The following RAPH1 variants were observed in gnomAD, a reference collection of about 807,000 sequenced individuals.
The protein encoded by RAPH1 is Ras association (RalGDS/AF-6) and pleckstrin homology domains 1.
In RAPH1, 18 loss-of-function variants were observed where a neutral mutation model predicts 88.1. That is an observed-to-expected ratio of 0.20 (90% CI 0.14 to 0.30). The LOEUF (loss-of-function observed/expected upper bound fraction) is 0.30. Ranked by LOEUF, RAPH1 falls within the 10% of genes least tolerant of loss-of-function variation. RAPH1 has a pLI of 1.00. For missense variants in RAPH1, 1,448 were observed against 1,543.2 expected, an observed-to-expected ratio of 0.94 and a Z score of 1.03; for synonymous variants, 587 against 559.0, an observed-to-expected ratio of 1.05 and a Z score of -0.71.
At chr2:203,514,801 G>A (rs948114547) in intron 1 of RAPH1, among the ~76,000 whole-genome samples, 3 of 151,990 alleles carry the variant, frequency 2.0e-5, no homozygotes, top group Admixed American at 6.6e-5. Context: ...TGATCCACCC[G>A]CCTCAGCCTC....
Position 203,437,543 on chromosome 2 carries a change from T to C in RAPH1, c.*1894A>G, listed in dbSNP as rs1399170017. On this transcript the variant is annotated 3_prime_UTR_variant, in exon 14 of 14. Transcript: ENST00000319170. ...ACTTCATAAATATCAAACACAAAAC[T>C]TGGTGAACAATTTGAAAGACCTAAA... 6.6e-6 allele frequency: 1 copy of C among 152,222 alleles called. No individual in the cohort carries two copies. The highest frequency in any genetic ancestry group is 2.4e-5 in the African/African-American group (1 of 41,454). 9.4% of individuals were successfully genotyped at this position (152,222 alleles called of 1,614,324 possible).
intron 12 of RAPH1, 181 bp from the exon 13 acceptor site, chr2:203,445,191 T>C (rs1038581653): frequency 8.4e-6 from 4 of 476,256 alleles, no homozygotes; most frequent in Admixed American, 3.8e-5. Flanking sequence ...TCCCTTACCT[T>C]GGAATTAAGA....
rs1438681255 is a variant in RAPH1, at chr2:203,439,098, CAT to C, written c.*337_*338del. ...GATTAGAAGTTTTTGGTCCAATCCA[CAT>C]GATATAGAAATCTTAAGAGACAACA... is the stretch of plus-strand genomic sequence containing the variant. On this transcript the variant is annotated 3_prime_UTR_variant, in exon 14 of 14. Transcript: ENST00000319170. 3 of 221,690 alleles carry C rather than the reference CAT, an allele frequency of 1.4e-5. No homozygotes were observed. The highest frequency in any genetic ancestry group is 6.7e-5 in the African/African-American group (3 of 44,822). 13.7% of individuals were successfully genotyped at this position (221,690 alleles called of 1,614,324 possible). A position where few individuals can be genotyped will look rare whatever the true frequency, so the allele number is the denominator to read the frequency against.
At chr2:203,474,606 C>T (rs1324318977) in intron 4 of RAPH1, among the ~76,000 whole-genome samples, 1 of 152,114 alleles carries the variant, frequency 6.6e-6, no homozygotes, top group Non-Finnish European at 1.5e-5. Context: ...AATAATTTCA[C>T]CAATGGAAAA....
At chr2:203,490,140 A>G in intron 3 of RAPH1, 51 bp from the exon 4 acceptor site, 1 of 1,483,812 alleles carries the variant, frequency 6.7e-7, no homozygotes, top group Non-Finnish European at 9.0e-7. Flanking sequence ...TCTATTATAA[A>G]TCAGTTAATA....
chr2:203,484,437 T>A (rs1053013901), intron 4 of RAPH1, among the ~76,000 whole-genome samples: 3 of 152,174 alleles, frequency 2.0e-5, no homozygotes, highest in Non-Finnish European at 4.4e-5. Context: ...CTCTACCCAC[T>A]AGATGCCAGT....
intron 4 of RAPH1, among the ~76,000 whole-genome samples, chr2:203,468,883 CA>C (rs1350324587): frequency 6.6e-6 from 1 of 152,086 alleles, no homozygotes; most frequent in Non-Finnish European, 1.5e-5. Context: ...CAGATTAACA[CA>C]AGCTTCATTA....
rs763075426 is a variant in RAPH1 at position 203,440,806 on chromosome 2, G to A, written c.2384C>T (p.Ala795Val). Reference protein sequence around the residue: ...IPAPTSTKTVAPVVTQAAPPT... With the variant: ...IPAPTSTKTVVPVVTQAAPPT... The stretch of plus-strand genomic sequence containing the variant: ...TGGTGCAGCTTGAGTCACAACAGGT[G>A]CCACAGTCTTGGTGCTGGTTGGTGC... Residue 795 changes from alanine (A) to valine (V), a missense_variant, in exon 14 of 14, where the codon GCA becomes GTA. Transcript: ENST00000319170. 1.9e-6 allele frequency: 3 copies of A among 1,595,198 alleles called. No homozygotes were observed. The highest frequency in any genetic ancestry group is 8.5e-7 in the Non-Finnish European group (1 of 1,171,386).
intron 10 of RAPH1, among the ~76,000 whole-genome samples, chr2:203,450,122 A>AG (rs1483108799): frequency 2.0e-5 from 3 of 152,222 alleles, no homozygotes; most frequent in Admixed American, 6.5e-5. Flanking sequence ...AAAATCCATG[A>AG]GCTCAATAAA....
chr2:203,490,594 C>G (rs934072512), intron 3 of RAPH1, among the ~76,000 whole-genome samples: 17 of 152,192 alleles, frequency 1.1e-4, no homozygotes, highest in African/African-American at 4.1e-4. Flanking sequence ...GGACTTTAAT[C>G]CGGTGAGAAA....
chr2:203,452,563 A>C (rs1054227653), intron 10 of RAPH1, among the ~76,000 whole-genome samples: 1 of 152,206 alleles, frequency 6.6e-6, no homozygotes, highest in Admixed American at 6.5e-5. Flanking sequence ...ATGTCAATTT[A>C]ATTTGTGTGC....
At chr2:203,446,909 TAAA>T (rs34766351) in intron 12 of RAPH1, 17 of 133,192 alleles carry the variant, frequency 1.3e-4, no homozygotes, top group Admixed American at 1.5e-4. Context: ...CTGGCTAATT[TAAA>T]AAAAAAAAAA....
intron 1 of RAPH1, among the ~76,000 whole-genome samples, chr2:203,506,896 A>ATTTT (rs1211565813): frequency 5.0e-5 from 5 of 100,916 alleles, no homozygotes; most frequent in African/African-American, 2.8e-4. Context: ...ATATATATAT[A>ATTTT]TATTTTTTTT....
At chr2:203,447,798 C>A in intron 12 of RAPH1, 161 bp downstream of exon 12, 1 of 622,642 alleles carries the variant, frequency 1.6e-6, no homozygotes, top group South Asian at 2.4e-5. Context: ...TGATACTGTA[C>A]CCTCTAGCAA....
At chr2:203,528,370 C>A (rs955089349) in intron 1 of RAPH1, among the ~76,000 whole-genome samples, 9 of 152,070 alleles carry the variant, frequency 5.9e-5, no homozygotes, top group African/African-American at 1.9e-4. Flanking sequence ...ATTTTGAATC[C>A]ATTTATTAAA....
intron 1 of RAPH1, among the ~76,000 whole-genome samples, chr2:203,527,661 G>A (rs1341533711): frequency 6.6e-6 from 1 of 151,910 alleles, no homozygotes; most frequent in Non-Finnish European, 1.5e-5. Context: ...TTAGCCGGGC[G>A]TGTTGGCGCA....
At chr2:203,486,121 T>C (rs1249856853) in intron 4 of RAPH1, among the ~76,000 whole-genome samples, 1 of 146,230 alleles carries the variant, frequency 6.8e-6, no homozygotes, top group Non-Finnish European at 1.5e-5. Context: ...AGAAAAGAAA[T>C]AAATAGAATT....
chr2:203,442,271 G>GT (rs1245405082), intron 13 of RAPH1: 27 of 480,012 alleles, frequency 5.6e-5, no homozygotes, highest in Admixed American at 4.3e-4. Context: ...ACATCTGGTA[G>GT]TTTATTTCGT....
At chr2:203,491,092 C>G in intron 3 of RAPH1, 122 bp downstream of exon 3, 1 of 485,322 alleles carries the variant, frequency 2.1e-6, no homozygotes. Context: ...AATTTAAGAA[C>G]TTGGTCGAGT....
Sources: gnomAD v4.1 joint callset for allele counts (sites outside exome capture counted in the v4.1 genomes callset) on GRCh38, gnomAD v4.1.1 for gene constraint, MANE v1.5 for transcripts, NCBI Gene and HGNC (gene_info 2026-07-23, HGNC 2026-07-21) for gene names.